The following RPS6KA2 variants were observed in gnomAD, a reference collection of about 807,000 sequenced individuals.
RPS6KA2 encodes the protein ribosomal protein S6 kinase alpha-2.
Under a neutral mutation model 91.8 loss-of-function variants are expected in RPS6KA2, and 42 were observed. The ratio of observed to expected loss-of-function variants is 0.46; its 90% CI spans 0.36 to 0.59. The LOEUF is 0.59. Ranked by LOEUF, RPS6KA2 falls within the 20% of genes least tolerant of loss-of-function variation. RPS6KA2 has a pLI of 0.00. For missense variants in RPS6KA2, 798 were observed against 978.5 expected (o/e 0.82, Z 2.46); for synonymous variants, 414 against 393.6 (o/e 1.05, Z -0.61).
chr6:166,541,225 G>A (rs970047940), intron 1 of RPS6KA2, among the ~76,000 whole-genome samples: 2 of 152,234 alleles, frequency 1.3e-5, no homozygotes, highest in Non-Finnish European at 2.9e-5. Flanking sequence ...CGGCCACACT[G>A]CAGAACAGAA....
intron 2 of RPS6KA2, among the ~76,000 whole-genome samples, chr6:166,656,635 G>C (rs1287797092): frequency 6.6e-6 from 1 of 152,262 alleles, no homozygotes; most frequent in East Asian, 1.9e-4. Flanking sequence ...ATATGAAGCA[G>C]CCCCGATTTC....
chr6:166,701,611 G>C, intron 2 of RPS6KA2: 2 of 1,327,796 alleles, frequency 1.5e-6, no homozygotes, highest in South Asian at 2.4e-5. Flanking sequence ...CAGATGAACA[G>C]TCTCGGATTC....
At chr6:166,444,180 G>T (rs1240077548) in intron 14 of RPS6KA2, among the ~76,000 whole-genome samples, 4 of 152,130 alleles carry the variant, frequency 2.6e-5, no homozygotes, top group Admixed American at 2.0e-4. Context: ...ATCTTTGATG[G>T]AATAGGAATA....
chr6:166,776,421 A>T lies in RPS6KA2; in HGVS notation c.123+81779T>A, dbSNP rs190759263. Among the ~76,000 whole-genome samples, 415 of 152,116 alleles carry T rather than the reference A, an allele frequency of 2.7e-3. 2 individuals are homozygous for T. Among genetic ancestry groups the T allele is most frequent in the African/African-American group, 9.3e-3 (386 of 41,510 alleles). On this transcript the variant is annotated intron_variant, in intron 2 of 21. Transcript: ENST00000503859. ...TTAGATTTCTTGTTTTTGTGTTTTAATTTTTTTTATATCGAGGTGAATTTC... is the reference window on the plus strand; with the variant it reads ...TTAGATTTCTTGTTTTTGTGTTTTATTTTTTTTTATATCGAGGTGAATTTC...
chr6:166,727,319 A>AACAC (rs10541160), intron 2 of RPS6KA2, among the ~76,000 whole-genome samples: 3,152 of 146,612 alleles, frequency 0.021, 69 homozygotes, highest in African/African-American at 0.054. Context: ...TAAACAAACA[A>AACAC]ACACACACAC....
intron 3 of RPS6KA2, among the ~76,000 whole-genome samples, chr6:166,512,592 T>C (rs965542073): frequency 6.6e-6 from 1 of 152,240 alleles, no homozygotes; most frequent in Non-Finnish European, 1.5e-5. Flanking sequence ...GTCTTTGGTG[T>C]TGGGACAGTT....
chr6:166,441,626 C>G (rs1459472116), intron 14 of RPS6KA2, among the ~76,000 whole-genome samples: 2 of 152,216 alleles, frequency 1.3e-5, no homozygotes, highest in African/African-American at 4.8e-5. Flanking sequence ...AACACAAGCT[C>G]CCCTGAGTCC....
In RPS6KA2 at chr6:166,538,681, C is replaced by T; in HGVS notation, c.203G>A (p.Gly68Glu). 6.3e-7 allele frequency: 1 copy of T among 1,596,370 alleles called. No individual in the cohort carries two copies. The highest frequency in any genetic ancestry group is 1.3e-5 in the African/African-American group (1 of 74,714). The change falls in exon 2 of 21, where the codon GGA (glycine) becomes GAA (glutamate). Residue 68 changes from glycine (G) to glutamate (E), a missense_variant. Coordinates refer to ENST00000265678, the MANE Select transcript of RPS6KA2 (RefSeq NM_021135.6). ...QFELLKVLGQGSYGKVFLVRK... is the reference protein window; with the variant it reads ...QFELLKVLGQESYGKVFLVRK... ...GGCTGAACTTACCTTTCCATAGGAT[C>T]CTTGTCCTAAAACCTTCAGCAGCTC... is the stretch of plus-strand genomic sequence containing the variant.
chr6:166,489,613 C>T (rs1222870596), intron 9 of RPS6KA2, among the ~76,000 whole-genome samples: 1 of 152,210 alleles, frequency 6.6e-6, no homozygotes, highest in African/African-American at 2.4e-5. Flanking sequence ...CATGTCCTCC[C>T]TTAAAATTCA....
At chr6:166,742,602 T>C (rs1583066642) in intron 2 of RPS6KA2, among the ~76,000 whole-genome samples, 1 of 152,184 alleles carries the variant, frequency 6.6e-6, no homozygotes, top group East Asian at 1.9e-4. Flanking sequence ...TAAGCTGTAC[T>C]GCATCCTAGG....
chr6:166,858,343 G>A (rs1211145100), intron 1 of RPS6KA2: 1 of 713,520 alleles, frequency 1.4e-6, no homozygotes, highest in East Asian at 2.6e-5. Context: ...ATATGAAAAA[G>A]TACTAACTAA....
At chr6:166,822,021 C>T (rs1025770302) in intron 2 of RPS6KA2, among the ~76,000 whole-genome samples, 14 of 152,166 alleles carry the variant, frequency 9.2e-5, no homozygotes, top group African/African-American at 3.4e-4. Flanking sequence ...CAGATCCTGG[C>T]CCTCCACCTC....
In RPS6KA2 at chr6:166,561,043, C is replaced by T. The variant is rs986669316; in HGVS notation, c.100-22259G>A. 7.2e-5 allele frequency among the ~76,000 whole-genome samples: 11 copies of T among 152,012 alleles called. 1 individual carries two copies. Among genetic ancestry groups the T allele is most frequent in the Non-Finnish European group, 1.2e-4 (8 of 68,000 alleles). On this transcript the variant is annotated intron_variant, in intron 1 of 20. Coordinates refer to ENST00000265678, the MANE Select transcript of RPS6KA2 (RefSeq NM_021135.6). ...TTTGCAAGTATTGATCAGAGAAAAG[C>T]GTTCAACTTATCCACCATTAAAACA...
intron 2 of RPS6KA2, among the ~76,000 whole-genome samples, chr6:166,805,405 T>C (rs1259193000): frequency 1.3e-5 from 2 of 152,172 alleles, no homozygotes; most frequent in Non-Finnish European, 2.9e-5. Context: ...TTCCAGGAGA[T>C]TTAAAGAATC....
At chr6:166,514,008 C>A (rs1018080269) in intron 3 of RPS6KA2, among the ~76,000 whole-genome samples, 1 of 152,186 alleles carries the variant, frequency 6.6e-6, no homozygotes, top group Admixed American at 6.5e-5. Context: ...CTGGATTCTG[C>A]GTGCTGGTCA....
At chr6:166,535,471 T>G (rs1258103865) in intron 2 of RPS6KA2, among the ~76,000 whole-genome samples, 1 of 152,262 alleles carries the variant, frequency 6.6e-6, no homozygotes, top group Non-Finnish European at 1.5e-5. Flanking sequence ...TTAAAAAACT[T>G]TGGTTTGGTT....
At chr6:166,797,101 G>C (rs1178295007) in intron 2 of RPS6KA2, among the ~76,000 whole-genome samples, 2 of 152,330 alleles carry the variant, frequency 1.3e-5, no homozygotes, top group East Asian at 3.9e-4. Flanking sequence ...GGATGATGTG[G>C]AGACAATCCC....
At chr6:166,845,638 G>A (rs1780586539) in intron 2 of RPS6KA2, among the ~76,000 whole-genome samples, 1 of 152,032 alleles carries the variant, frequency 6.6e-6, no homozygotes, top group African/African-American at 2.4e-5. Context: ...AAATCAAGAT[G>A]GAAATTAAAA....
At chr6:166,424,455 A>G (rs1395932061) in intron 16 of RPS6KA2, among the ~76,000 whole-genome samples, 2 of 146,136 alleles carry the variant, frequency 1.4e-5, no homozygotes, top group Admixed American at 6.6e-5. Flanking sequence ...TGGCTAAGAC[A>G]GTATTTCCTG....
Sources: gnomAD v4.1 joint callset for allele counts (sites outside exome capture counted in the v4.1 genomes callset) on GRCh38, gnomAD v4.1.1 for gene constraint, MANE v1.5 for transcripts, NCBI Gene and HGNC (gene_info 2026-07-23, HGNC 2026-07-21) for gene names.